Variants in USP40 observed in about 807,000 individuals in gnomAD.
USP40 encodes ubiquitin specific peptidase 40, also known as ubiquitin carboxyl-terminal hydrolase 40.
A neutral mutation model predicts 166.2 loss-of-function variants in USP40; 143 were observed. The ratio of observed to expected loss-of-function variants is 0.86; its 90% CI spans 0.75 to 0.99. USP40 has a LOEUF of 0.99. Ranked by LOEUF, USP40 falls within the 50% of genes least tolerant of loss-of-function variation. The pLI is 0.00. For missense variants in USP40, 1,444 were observed against 1,479.7 expected (o/e 0.98, Z 0.40); for synonymous variants, 498 against 524.0 (o/e 0.95, Z 0.68).
rs181968664 is a variant in USP40 at position 233,563,751 on chromosome 2, T to A, written c.200-948A>T. 1.4e-3 allele frequency among the ~76,000 whole-genome samples: 219 copies of A among 152,296 alleles called. 2 individuals carry two copies. Among genetic ancestry groups the A allele is most frequent in the Non-Finnish European group, 2.6e-3 (176 of 68,026 alleles). On this transcript the variant is annotated intron_variant, in intron 2 of 31. Coordinates refer to ENST00000678225, the MANE Select transcript of USP40 (RefSeq NM_001365479.2). ...TTTCCAAATTATACCTCCCTGTCAG[T>A]CACCATCAGGATTCAGGCTAAGCTA...
Position 233,523,288 on chromosome 2 carries a change from A to T in USP40, c.2083T>A (p.Cys695Ser). 6.2e-7 allele frequency: 1 copy of T among 1,614,014 alleles called. No homozygotes were observed. The highest frequency in any genetic ancestry group is 8.5e-7 in the Non-Finnish European group (1 of 1,179,884). The stretch of plus-strand genomic sequence containing the variant: ...GCCGTCCAACCCTCCCCACCTGGAC[A>T]TCCAGCACTGTTGATGAAGATGACA... ...AGVIFINSAG[C>S]PGGEGWTAIP... The change falls in exon 16 of 32, where the codon TGT (cysteine) becomes AGT (serine). Residue 695 changes from cysteine (C) to serine (S), a missense_variant. Transcript: ENST00000678225.
chr2:233,528,315 G>A (rs759902878), intron 12 of USP40, among the ~76,000 whole-genome samples: 5 of 152,038 alleles, frequency 3.3e-5, no homozygotes, highest in Non-Finnish European at 7.4e-5. Context: ...TGAACCTCCC[G>A]AGACCACATT....
In USP40 at chr2:233,529,904, A is replaced by C. The variant is rs183058167; in HGVS notation, c.1472-392T>G. Among the ~76,000 whole-genome samples, 858 of 145,648 alleles carry C rather than the reference A, an allele frequency of 5.9e-3. 10 individuals carry two copies. The highest frequency in any genetic ancestry group is 0.021 in the African/African-American group (801 of 38,982). On this transcript the variant is annotated intron_variant, in intron 11 of 31. Coordinates refer to ENST00000678225, the MANE Select transcript of USP40 (RefSeq NM_001365479.2). ...CTCACTCTGCCTCCCAGGTTCAAGCAATTCTCGTGCCTCAGCCTCTGAGTA... is the reference window on the plus strand; with the variant it reads ...CTCACTCTGCCTCCCAGGTTCAAGCCATTCTCGTGCCTCAGCCTCTGAGTA...
intron 2 of USP40, 53 bp from the exon 3 acceptor site, chr2:233,562,856 A>T: frequency 7.0e-7 from 1 of 1,432,358 alleles, no homozygotes; most frequent in Non-Finnish European, 9.3e-7. Context: ...CATTTTAAAA[A>T]ATTGTTTTAG....
chr2:233,532,796 C>T (rs1483103460), intron 11 of USP40, among the ~76,000 whole-genome samples: 3 of 151,928 alleles, frequency 2.0e-5, no homozygotes, highest in Non-Finnish European at 2.9e-5. Flanking sequence ...AAAAAATTAG[C>T]CAGGTGTGGC....
At position 233,488,165 on chromosome 2, in the gene USP40, T is replaced by G; in HGVS notation, c.3197+74A>C. The G allele has an allele frequency of 4.0e-6, 5 of 1,253,050 alleles. No homozygotes were observed. The South Asian group carries it at 6.4e-5, about 16-fold the overall frequency. 77.6% of individuals were successfully genotyped at this position (1,253,050 alleles called of 1,614,324 possible). On this transcript the variant is annotated intron_variant, in intron 28 of 31. Transcript: ENST00000678225. The stretch of plus-strand genomic sequence containing the variant: ...GTGAAAAAAATGCTACACTATGAAG[T>G]TGTTAAAGCTTCAAAAGGCAAACGA...
chr2:233,533,436 A>C (rs1009786560), intron 11 of USP40, 43 bp downstream of exon 11: 2 of 1,558,380 alleles, frequency 1.3e-6, no homozygotes, highest in African/African-American at 2.7e-5. Context: ...TTATCTTCTA[A>C]AGCCATTAAC....
intron 8 of USP40, among the ~76,000 whole-genome samples, chr2:233,543,361 T>C (rs750202936): frequency 7.2e-5 from 11 of 152,134 alleles, no homozygotes; most frequent in Non-Finnish European, 1.6e-4. Flanking sequence ...AAACACACCA[T>C]GAGCTTGCAA....
chr2:233,516,239 A>G (rs1255509343), intron 18 of USP40, among the ~76,000 whole-genome samples: 1 of 152,172 alleles, frequency 6.6e-6, no homozygotes, highest in African/African-American at 2.4e-5. Flanking sequence ...AACTCTTCCA[A>G]CTTTGTTCTC....
intron 2 of USP40, among the ~76,000 whole-genome samples, chr2:233,564,998 T>C (rs886152370): frequency 6.6e-6 from 1 of 152,250 alleles, no homozygotes; most frequent in African/African-American, 2.4e-5. Context: ...TGGATAACTC[T>C]GGCTTAAGTG....
chr2:233,521,557 C>G (rs1007069882), intron 16 of USP40, among the ~76,000 whole-genome samples: 1 of 152,204 alleles, frequency 6.6e-6, no homozygotes, highest in Non-Finnish European at 1.5e-5. Flanking sequence ...ATATTGTATA[C>G]TGCATTTCTA....
At chr2:233,521,181 TGTGTCACTTAATGTGACTAATTA>T (rs1362409217) in intron 16 of USP40, 67 bp from the exon 17 acceptor site, 6 of 1,525,576 alleles carry the variant, frequency 3.9e-6, no homozygotes, top group Middle Eastern at 3.6e-4. Flanking sequence ...AAACTCTGCA[TGTGTCACTTAATGTGACTAATTA>T]GAGGTGACCA....
intron 21 of USP40, among the ~76,000 whole-genome samples, chr2:233,507,586 C>T (rs182477232): frequency 4.7e-4 from 70 of 148,568 alleles, no homozygotes; most frequent in African/African-American, 1.6e-3. Context: ...AAAGGCTGAT[C>T]GGTAATATGA....
intron 8 of USP40, chr2:233,546,119 T>C (rs1406619340): frequency 2.6e-5 from 4 of 152,186 alleles, no homozygotes; most frequent in East Asian, 3.9e-4. Context: ...GCTTCAAAAA[T>C]GGACAGGCAG....
At chr2:233,527,778 G>A (rs555647423) in intron 12 of USP40, among the ~76,000 whole-genome samples, 200 bp from the exon 13 acceptor site, 1 of 152,090 alleles carries the variant, frequency 6.6e-6, no homozygotes, top group Non-Finnish European at 1.5e-5. Context: ...AATTCCAAGA[G>A]AAAACTGTTT....
rs909579546 is a variant in USP40 at position 233,477,200 on chromosome 2, G to A, written c.*192C>T. 15 of 606,616 alleles carry A rather than the reference G, an allele frequency of 2.5e-5. No homozygotes were observed. Among genetic ancestry groups the A allele is most frequent in the African/African-American group, 1.5e-4 (8 of 54,824 alleles). 37.6% of individuals were successfully genotyped at this position (606,616 alleles called of 1,614,324 possible). ...GACATCCAGAGCTGCACCAGCCCCC[G>A]TGGCTGCCACGTGTTGCAGAGCTAA... On this transcript the variant is annotated 3_prime_UTR_variant, in exon 32 of 32. Transcript: ENST00000678225.
At chr2:233,530,778 C>A (rs758003506) in intron 11 of USP40, among the ~76,000 whole-genome samples, 73 of 152,168 alleles carry the variant, frequency 4.8e-4, no homozygotes, top group Non-Finnish European at 1.0e-3. Context: ...CCCCAATTTA[C>A]TACTGAGCAC....
rs757397104 is a variant in USP40, at chr2:233,485,761, C to CTTT, written c.3408+3_3408+5dup. 11 of 1,612,900 alleles carry CTTT rather than the reference C, an allele frequency of 6.8e-6. No individual in the cohort carries two copies. Among genetic ancestry groups the CTTT allele is most frequent in the Non-Finnish European group, 8.5e-6 (10 of 1,179,456 alleles). ...CAATTTCTCTGAGACAGCCCCACAA[C>CTTT]TTTACCCAGCTAGATATCGGAAGCC... On this transcript the variant is annotated splice_donor_region_variant and intron_variant, in intron 29 of 31. Transcript: ENST00000678225.
At chr2:233,504,974 T>TA (rs1301773554) in intron 21 of USP40, among the ~76,000 whole-genome samples, 1 of 152,066 alleles carries the variant, frequency 6.6e-6, no homozygotes, top group Non-Finnish European at 1.5e-5. Context: ...CAAGTCTTAA[T>TA]ACATTTAACA....
Sources: allele counts gnomAD v4.1 joint callset (sites outside exome capture counted in the v4.1 genomes callset), GRCh38; gene constraint gnomAD v4.1.1; transcripts MANE v1.5; gene names NCBI Gene and HGNC (gene_info 2026-07-23, HGNC 2026-07-21).